DEPTOR: variants seen among roughly 807,000 people sequenced by gnomAD.
DEPTOR encodes DEP domain-containing mTOR-interacting protein.
Under a neutral mutation model 41.6 loss-of-function variants are expected in DEPTOR, and 41 were observed. That is an observed-to-expected ratio of 0.98 (90% CI 0.77 to 1.28). The LOEUF (loss-of-function observed/expected upper bound fraction) is 1.28, where lower values mean the gene tolerates loss of function less well. DEPTOR is among the 50% of genes most tolerant of loss of function. DEPTOR has a pLI of 0.00. For missense variants in DEPTOR, 514 were observed against 527.9 expected, an observed-to-expected ratio of 0.97 and a Z score of 0.26; for synonymous variants, 195 against 192.3, an observed-to-expected ratio of 1.01 and a Z score of -0.12.
chr8:119,919,749 T>A (rs1827866694), intron 1 of DEPTOR, among the ~76,000 whole-genome samples: 1 of 152,202 alleles, frequency 6.6e-6, no homozygotes, highest in Non-Finnish European at 1.5e-5. Context: ...ACTATTTGGC[T>A]TGCTGTGTTT....
chr8:119,967,139 C>A (rs1230226689), intron 4 of DEPTOR, among the ~76,000 whole-genome samples: 1 of 151,908 alleles, frequency 6.6e-6, no homozygotes, highest in Non-Finnish European at 1.5e-5. Context: ...AGTGCAGTAG[C>A]ATGATCTTGG....
chr8:120,031,174 T>A (rs559436221), intron 8 of DEPTOR, among the ~76,000 whole-genome samples: 3 of 151,776 alleles, frequency 2.0e-5, no homozygotes, highest in South Asian at 4.2e-4. Flanking sequence ...CTACAAAAAA[T>A]TATTTTTAAA....
At chr8:119,914,393 C>G (rs6469875) in intron 1 of DEPTOR, among the ~76,000 whole-genome samples, 109,643 of 151,630 alleles carry the variant, frequency 0.72, 40,021 homozygotes, top group East Asian at 0.95. Flanking sequence ...CAACCCCCTG[C>G]GTTTGCAAAG....
At chr8:119,885,630 A>G (rs1189648641) in intron 1 of DEPTOR, among the ~76,000 whole-genome samples, 1 of 152,264 alleles carries the variant, frequency 6.6e-6, no homozygotes, top group East Asian at 1.9e-4. Flanking sequence ...AAGAGCCAGA[A>G]GCCATCACAT....
intron 1 of DEPTOR, among the ~76,000 whole-genome samples, chr8:119,892,989 G>T (rs1827471005): frequency 6.6e-6 from 1 of 152,034 alleles, no homozygotes; most frequent in African/African-American, 2.4e-5. Flanking sequence ...CACCATGTTG[G>T]CCAGGCTGGT....
At chr8:119,987,247 A>G (rs1211057845) in intron 4 of DEPTOR, among the ~76,000 whole-genome samples, 2 of 152,006 alleles carry the variant, frequency 1.3e-5, no homozygotes. Flanking sequence ...CGTTGATGCT[A>G]TTCCTCTCTG....
chr8:120,014,697 A>AT (rs1369856238), intron 8 of DEPTOR, among the ~76,000 whole-genome samples: 4 of 151,726 alleles, frequency 2.6e-5, no homozygotes, highest in Non-Finnish European at 5.9e-5. Context: ...CTCATTTTGT[A>AT]TTTTTAGTAG....
At chr8:120,045,528 A>C (rs1054971031) in intron 8 of DEPTOR, among the ~76,000 whole-genome samples, 5 of 151,998 alleles carry the variant, frequency 3.3e-5, no homozygotes, top group Admixed American at 1.3e-4. Context: ...GTGCCACCAC[A>C]CCTGGCTAAT....
At chr8:119,923,893 CTTT>C (rs769960283) in intron 1 of DEPTOR, among the ~76,000 whole-genome samples, 1 of 104,980 alleles carries the variant, frequency 9.5e-6, no homozygotes, top group Non-Finnish European at 2.2e-5. Context: ...TTTTTTCTTT[CTTT>C]TTTTTTTTTG....
At chr8:120,030,497 G>GTTTGTTTTTTTTTTT (rs1207108457) in intron 8 of DEPTOR, among the ~76,000 whole-genome samples, 3 of 46,192 alleles carry the variant, frequency 6.5e-5, no homozygotes, top group East Asian at 1.3e-3. Flanking sequence ...AGGTTCATCA[G>GTTTGTTTTTTTTTTT]TTTTTTTTTT....
At chr8:119,994,994 A>G (rs1431627510) in intron 4 of DEPTOR, among the ~76,000 whole-genome samples, 1 of 152,034 alleles carries the variant, frequency 6.6e-6, no homozygotes, top group Non-Finnish European at 1.5e-5. Context: ...TAAGTAGTAA[A>G]TTAAAAAAAA....
At chr8:119,889,141 A>G (rs1432999655) in intron 1 of DEPTOR, among the ~76,000 whole-genome samples, 1 of 152,158 alleles carries the variant, frequency 6.6e-6, no homozygotes, top group Non-Finnish European at 1.5e-5. Flanking sequence ...TTCAAAATCT[A>G]AGGGTGGAGG....
At chr8:120,025,071 CAG>C (rs1491232712) in intron 8 of DEPTOR, among the ~76,000 whole-genome samples, 1 of 152,166 alleles carries the variant, frequency 6.6e-6, no homozygotes, top group Admixed American at 6.6e-5. Flanking sequence ...TCCCTGCCCT[CAG>C]GGGGCTTCAG....
chr8:119,904,418 G>T (rs894871626), intron 1 of DEPTOR, among the ~76,000 whole-genome samples: 2 of 151,502 alleles, frequency 1.3e-5, no homozygotes, highest in Non-Finnish European at 2.9e-5. Flanking sequence ...TGCGCCCGGC[G>T]TAAACCTCAG....
chr8:119,921,623 G>A (rs1827894920), intron 1 of DEPTOR, among the ~76,000 whole-genome samples: 1 of 152,158 alleles, frequency 6.6e-6, no homozygotes, highest in Admixed American at 6.5e-5. Context: ...GGGACAGTAG[G>A]AATAGTGTGT....
intron 1 of DEPTOR, among the ~76,000 whole-genome samples, chr8:119,902,995 G>A (rs1194116756): frequency 2.0e-5 from 3 of 152,166 alleles, no homozygotes; most frequent in Non-Finnish European, 4.4e-5. Flanking sequence ...TGTGCTCCGT[G>A]AGGGCAGGGT....
At chr8:120,033,689 G>A (rs1812930694) in intron 8 of DEPTOR, among the ~76,000 whole-genome samples, 1 of 152,200 alleles carries the variant, frequency 6.6e-6, no homozygotes, top group Non-Finnish European at 1.5e-5. Context: ...TGACTGGTGT[G>A]CTAGGCTCCT....
At chr8:119,913,846 C>T (rs891702763) in intron 1 of DEPTOR, among the ~76,000 whole-genome samples, 2 of 152,090 alleles carry the variant, frequency 1.3e-5, no homozygotes, top group African/African-American at 2.4e-5. Context: ...GTTGTTCCAT[C>T]GAGGCTTGGA....
chr8:119,972,695 T>C (rs976998022), intron 4 of DEPTOR, among the ~76,000 whole-genome samples: 2 of 151,100 alleles, frequency 1.3e-5, no homozygotes, highest in African/African-American at 4.9e-5. Flanking sequence ...AAGATTCAAA[T>C]CAAGACAGTC....
Sources: allele counts gnomAD v4.1 joint callset (sites outside exome capture counted in the v4.1 genomes callset), GRCh38; gene constraint gnomAD v4.1.1; transcripts MANE v1.5; gene names NCBI Gene and HGNC (gene_info 2026-07-23, HGNC 2026-07-21).